Variants in RSPO2 observed in about 807,000 individuals in gnomAD.
The protein encoded by RSPO2 is R-spondin 2, also known as R-spondin-2.
In RSPO2, 14 loss-of-function variants were observed where a neutral mutation model predicts 30.9. That is an observed-to-expected ratio of 0.45 (90% CI 0.30 to 0.71). The LOEUF is 0.71. Ranked by LOEUF, RSPO2 falls within the 30% of genes least tolerant of loss-of-function variation. RSPO2 has a pLI of 0.08. For missense variants in RSPO2, 264 were observed against 301.9 expected, an observed-to-expected ratio of 0.87 and a Z score of 0.93; for synonymous variants, 107 against 96.4, an observed-to-expected ratio of 1.11 and a Z score of -0.64.
intron 5 of RSPO2, among the ~76,000 whole-genome samples, chr8:107,918,562 G>A (rs899600049): frequency 2.0e-5 from 3 of 152,010 alleles, no homozygotes; most frequent in Non-Finnish European, 2.9e-5. Context: ...ACAGACCCAC[G>A]AGCCCCAAGT....
intron 3 of RSPO2, among the ~76,000 whole-genome samples, chr8:107,973,670 C>T (rs966283247): frequency 1.3e-5 from 2 of 152,096 alleles, no homozygotes; most frequent in Admixed American, 6.6e-5. Context: ...GAGAGTGAAA[C>T]AAATGCATAC....
At chr8:108,069,047 TG>T (rs1275084629) in intron 2 of RSPO2, among the ~76,000 whole-genome samples, 1 of 152,278 alleles carries the variant, frequency 6.6e-6, no homozygotes. Context: ...AGCCTTCATC[TG>T]GTTTATTCTT....
chr8:108,061,223 A>T lies in RSPO2; in HGVS notation c.94+21322T>A, dbSNP rs1217640584. 3.3e-5 allele frequency among the ~76,000 whole-genome samples: 5 copies of T among 152,002 alleles called. No homozygotes were observed. The East Asian group carries it at 5.8e-4, about 18-fold the overall frequency. On this transcript the variant is annotated intron_variant, in intron 2 of 5. Transcript: ENST00000276659. ...TGTAAATGGGCTATATGCTCCAATT[A>T]AAAGACACAGACTGGCAAACTGGAT...
At chr8:107,930,000 G>C (rs1257820036) in intron 5 of RSPO2, among the ~76,000 whole-genome samples, 1 of 151,938 alleles carries the variant, frequency 6.6e-6, no homozygotes, top group East Asian at 1.9e-4. Flanking sequence ...TGTTCTCCTT[G>C]GTTTAAGAAC....
chr8:107,979,397 TG>T (rs1207564998), intron 3 of RSPO2, among the ~76,000 whole-genome samples: 1 of 152,138 alleles, frequency 6.6e-6, no homozygotes, highest in Non-Finnish European at 1.5e-5. Context: ...TGGATGAAGC[TG>T]GAAACCATCA....
intron 5 of RSPO2, among the ~76,000 whole-genome samples, chr8:107,939,949 A>G (rs1268776543): frequency 1.3e-5 from 2 of 152,104 alleles, no homozygotes; most frequent in Non-Finnish European, 2.9e-5. Flanking sequence ...TCAAGGAAAT[A>G]TCTAATACCA....
At chr8:107,964,428 G>A (rs909278380) in intron 3 of RSPO2, among the ~76,000 whole-genome samples, 3 of 152,138 alleles carry the variant, frequency 2.0e-5, no homozygotes, top group African/African-American at 7.2e-5. Context: ...ATTTTTAGTA[G>A]AGACGGGGTT....
At chr8:108,006,203 G>C (rs1185047426) in intron 2 of RSPO2, among the ~76,000 whole-genome samples, 2 of 152,012 alleles carry the variant, frequency 1.3e-5, no homozygotes, top group African/African-American at 4.8e-5. Flanking sequence ...AATCCCAAAG[G>C]GGAAAAGAAG....
At chr8:107,927,651 TA>T (rs1586551242) in intron 5 of RSPO2, among the ~76,000 whole-genome samples, 1 of 152,218 alleles carries the variant, frequency 6.6e-6, no homozygotes, top group Admixed American at 6.5e-5. Context: ...TCTATTGAGA[TA>T]ATCATGTGGT....
intron 2 of RSPO2, among the ~76,000 whole-genome samples, chr8:108,044,388 C>G (rs1011933149): frequency 1.3e-5 from 2 of 152,098 alleles, no homozygotes; most frequent in African/African-American, 4.8e-5. Context: ...ACCCCCCTCT[C>G]TGTGCACTCT....
At chr8:108,007,917 C>A (rs530822429) in intron 2 of RSPO2, among the ~76,000 whole-genome samples, 9 of 152,008 alleles carry the variant, frequency 5.9e-5, no homozygotes, top group Admixed American at 1.3e-4. Flanking sequence ...AGCCACTGCA[C>A]TCCAGACTGA....
chr8:107,951,231 T>C lies in RSPO2; in HGVS notation c.616+6849A>G, dbSNP rs1037010821. Among the ~76,000 whole-genome samples the C allele has an allele frequency of 5.9e-5, 9 of 152,020 alleles. No homozygotes were observed. In the East Asian group the frequency reaches 1.7e-3, roughly 29 times the overall value. ...CCACCACACCCAGATAATTTTTGTA[T>C]TTTTAGTACAGAGTTTCACCACATG... On this transcript the variant is annotated intron_variant, in intron 5 of 5. Coordinates refer to ENST00000276659, the MANE Select transcript of RSPO2 (RefSeq NM_178565.5).
intron 3 of RSPO2, among the ~76,000 whole-genome samples, chr8:107,964,394 G>A (rs1298899436): frequency 1.3e-5 from 2 of 152,064 alleles, no homozygotes; most frequent in East Asian, 1.9e-4. Flanking sequence ...GGCATCATGC[G>A]CCACCATGCC....
intron 2 of RSPO2, among the ~76,000 whole-genome samples, chr8:108,022,945 C>CACA (rs1307561587): frequency 1.4e-5 from 2 of 147,326 alleles, no homozygotes; most frequent in African/African-American, 2.5e-5. Context: ...AAAAAAAAAA[C>CACA]CACACACACA....
At chr8:108,019,832 A>C (rs1811004024) in intron 2 of RSPO2, among the ~76,000 whole-genome samples, 1 of 152,190 alleles carries the variant, frequency 6.6e-6, no homozygotes, top group Non-Finnish European at 1.5e-5. Context: ...AATGTTCTTT[A>C]AAAGGGTAGA....
At chr8:108,036,025 CA>C (rs151153664) in intron 2 of RSPO2, among the ~76,000 whole-genome samples, 2,117 of 152,296 alleles carry the variant, frequency 0.014, 51 homozygotes, top group African/African-American at 0.047. Flanking sequence ...AAGTATTAGA[CA>C]GCAACTTTTC....
chr8:108,062,416 C>T (rs2130706737), intron 2 of RSPO2, among the ~76,000 whole-genome samples: 1 of 151,942 alleles, frequency 6.6e-6, no homozygotes, highest in South Asian at 2.1e-4. Context: ...CACCTCTACA[C>T]AAATAAACTA....
chr8:107,973,269 C>CA (rs528087333), intron 3 of RSPO2, among the ~76,000 whole-genome samples: 17,753 of 138,342 alleles, frequency 0.13, 2,667 homozygotes, highest in African/African-American at 0.38. Flanking sequence ...GACTCCATCT[C>CA]AAAAAAAAAA....
chr8:107,998,514 G>A (rs977764539), intron 2 of RSPO2, among the ~76,000 whole-genome samples: 7 of 152,056 alleles, frequency 4.6e-5, no homozygotes, highest in Non-Finnish European at 2.9e-5. Context: ...CCAGTAGTCC[G>A]ATTGTGAATG....
Sources: allele counts gnomAD v4.1 joint callset (sites outside exome capture counted in the v4.1 genomes callset), GRCh38; gene constraint gnomAD v4.1.1; transcripts MANE v1.5; gene names NCBI Gene and HGNC (gene_info 2026-07-23, HGNC 2026-07-21).